AMPH: variants seen among roughly 807,000 people sequenced by gnomAD.
AMPH encodes amphiphysin (Stiff-Mann syndrome with breast cancer 128kD autoantigen).
AMPH carries 49 observed loss-of-function variants against 99.1 expected under a neutral mutation model. The ratio of observed to expected loss-of-function variants is 0.49; its 90% CI spans 0.39 to 0.63. AMPH has a LOEUF of 0.63. Ranked by LOEUF, AMPH falls within the 20% of genes least tolerant of loss-of-function variation. The probability of loss-of-function intolerance (pLI) is 0.00; values close to 1 mark genes in which losing one functional copy is unlikely to be tolerated. For missense variants in AMPH, 759 were observed against 863.4 expected, an observed-to-expected ratio of 0.88 and a Z score of 1.52; for synonymous variants, 314 against 317.3, an observed-to-expected ratio of 0.99 and a Z score of 0.11.
chr7:38,500,686 T>C (rs1789102453), intron 3 of AMPH, among the ~76,000 whole-genome samples: 1 of 152,206 alleles, frequency 6.6e-6, no homozygotes, highest in African/African-American at 2.4e-5. Flanking sequence ...AAAAGTCCTG[T>C]GCTTGAAATG....
At chr7:38,480,410 C>G (rs550100839) in intron 5 of AMPH, among the ~76,000 whole-genome samples, 4 of 152,178 alleles carry the variant, frequency 2.6e-5, no homozygotes, top group African/African-American at 9.6e-5. Flanking sequence ...CTCACCTCAT[C>G]CAATCTCATC....
intron 1 of AMPH, among the ~76,000 whole-genome samples, chr7:38,581,568 T>A (rs184868923): frequency 6.6e-6 from 1 of 152,142 alleles, no homozygotes; most frequent in Non-Finnish European, 1.5e-5. Context: ...GTTGCTGATA[T>A]GTTTGGGACA....
At chr7:38,556,205 C>G (rs116342789) in intron 1 of AMPH, among the ~76,000 whole-genome samples, 2,048 of 152,118 alleles carry the variant, frequency 0.013, 47 homozygotes, top group African/African-American at 0.046. Context: ...AACAAAACAG[C>G]CTTGAAAAGA....
chr7:38,588,277 G>A (rs1792738212), intron 1 of AMPH, among the ~76,000 whole-genome samples: 1 of 152,044 alleles, frequency 6.6e-6, no homozygotes, highest in African/African-American at 2.4e-5. Context: ...TAATTAAGAT[G>A]GAAGATGGGA....
At chr7:38,459,264 C>A (rs749489106) in intron 11 of AMPH, among the ~76,000 whole-genome samples, 3 of 151,890 alleles carry the variant, frequency 2.0e-5, no homozygotes. Context: ...GTAAAAATAA[C>A]CATAATGCCC....
At chr7:38,495,580 G>A (rs959091068) in intron 3 of AMPH, among the ~76,000 whole-genome samples, 1 of 149,166 alleles carries the variant, frequency 6.7e-6, no homozygotes, top group South Asian at 2.1e-4. Flanking sequence ...AATTCCATAC[G>A]GACAGTGGCC....
At chr7:38,543,137 G>A (rs1790871767) in intron 1 of AMPH, among the ~76,000 whole-genome samples, 1 of 151,212 alleles carries the variant, frequency 6.6e-6, no homozygotes, top group South Asian at 2.1e-4. Context: ...TGTGCTTGTG[G>A]TCTCAGCTAC....
At chr7:38,612,084 C>CTTTTTTTTTTTT (rs777855014) in intron 1 of AMPH, among the ~76,000 whole-genome samples, 1 of 90,860 alleles carries the variant, frequency 1.1e-5, no homozygotes, top group Non-Finnish European at 2.1e-5. Context: ...TTTTTGTCTT[C>CTTTTTTTTTTTT]TTCTTTTTTT....
intron 7 of AMPH, among the ~76,000 whole-genome samples, chr7:38,474,946 A>G (rs1173446524): frequency 1.3e-5 from 2 of 152,138 alleles, no homozygotes; most frequent in Admixed American, 1.3e-4. Flanking sequence ...CTGAAAGGAT[A>G]TTATTGTTAA....
intron 11 of AMPH, among the ~76,000 whole-genome samples, chr7:38,441,788 GTC>G (rs1311605728): frequency 1.1e-4 from 6 of 55,580 alleles, no homozygotes; most frequent in Non-Finnish European, 3.1e-4. Flanking sequence ...TCATATATCT[GTC>G]ATATATATCA....
chr7:38,570,931 ATATATATATATATT>A, intron 1 of AMPH, among the ~76,000 whole-genome samples: 1 of 79,642 alleles, frequency 1.3e-5, no homozygotes, highest in East Asian at 2.4e-4. Context: ...AAAAATTTAT[ATATATATATATATT>A]TATATATATA....
intron 11 of AMPH, among the ~76,000 whole-genome samples, chr7:38,459,000 A>G (rs1787339867): frequency 6.6e-6 from 1 of 152,136 alleles, no homozygotes; most frequent in Non-Finnish European, 1.5e-5. Flanking sequence ...AACCTCCTAA[A>G]TTTGATAAAT....
Position 38,407,076 on chromosome 7 carries a change from ATGTGTGTGTGTGTGTGTGTG to A in AMPH, c.1398+10729_1398+10748del, listed in dbSNP as rs70975098. Among the ~76,000 whole-genome samples, 186 of 19,744 alleles carry A rather than the reference ATGTGTGTGTGTGTGTGTGTG, an allele frequency of 9.4e-3. 1 individual carries two copies. The highest frequency in any genetic ancestry group is 0.015 in the Admixed American group (15 of 1,014). 13.0% of individuals were successfully genotyped at this position (19,744 alleles called of 152,430 possible). A position where few individuals can be genotyped will look rare whatever the true frequency, so the allele number is the denominator to read the frequency against. On this transcript the variant is annotated intron_variant, in intron 17 of 20. Transcript: ENST00000356264. The stretch of plus-strand genomic sequence containing the variant: ...TATATATATATATATATATATATAT[ATGTGTGTGTGTGTGTGTGTG>A]TGTGTGTGTGTGTGTGTGTATAAAT...
At chr7:38,609,701 A>G (rs1793559007) in intron 1 of AMPH, among the ~76,000 whole-genome samples, 1 of 152,142 alleles carries the variant, frequency 6.6e-6, no homozygotes, top group South Asian at 2.1e-4. Context: ...GCCATACTGT[A>G]TAAGGTGTAT....
intron 7 of AMPH, among the ~76,000 whole-genome samples, chr7:38,470,214 T>A (rs1435949338): frequency 6.6e-6 from 1 of 152,160 alleles, no homozygotes; most frequent in Non-Finnish European, 1.5e-5. Context: ...ATGACAAAAG[T>A]TATTTTTAGA....
At chr7:38,479,478 T>C (rs1788210834) in intron 5 of AMPH, among the ~76,000 whole-genome samples, 1 of 152,036 alleles carries the variant, frequency 6.6e-6, no homozygotes, top group Non-Finnish European at 1.5e-5. Flanking sequence ...TAAAAATCAA[T>C]GTAAAATATA....
intron 7 of AMPH, among the ~76,000 whole-genome samples, chr7:38,467,640 ATGTGTGTGTG>A (rs70977407): frequency 1.3e-5 from 2 of 148,732 alleles, no homozygotes; most frequent in Non-Finnish European, 3.0e-5. Flanking sequence ...CAATGGAAAT[ATGTGTGTGTG>A]TGTGTGTGTG....
intron 1 of AMPH, among the ~76,000 whole-genome samples, chr7:38,594,929 A>G (rs773577434): frequency 3.9e-5 from 6 of 152,104 alleles, no homozygotes; most frequent in Admixed American, 2.6e-4. Flanking sequence ...AGATGGAAGT[A>G]AAAAAACAAG....
chr7:38,560,183 T>C (rs1287346683), intron 1 of AMPH, among the ~76,000 whole-genome samples: 2 of 152,136 alleles, frequency 1.3e-5, no homozygotes, highest in African/African-American at 2.4e-5. Context: ...TAACAAACTA[T>C]AGGCAAGCGG....
Sources: gnomAD v4.1 joint callset for allele counts (sites outside exome capture counted in the v4.1 genomes callset) on GRCh38, gnomAD v4.1.1 for gene constraint, MANE v1.5 for transcripts, NCBI Gene and HGNC (gene_info 2026-07-23, HGNC 2026-07-21) for gene names.